The following KLHL29 variants were observed in gnomAD, a reference collection of about 807,000 sequenced individuals.
KLHL29 encodes the protein kelch-like protein 29.
In KLHL29, 21 loss-of-function variants were observed where a neutral mutation model predicts 80.4. That is an observed-to-expected ratio of 0.26 (90% CI 0.19 to 0.38). The LOEUF (loss-of-function observed/expected upper bound fraction) is 0.38. Ranked by LOEUF, KLHL29 falls within the 10% of genes least tolerant of loss-of-function variation. KLHL29 has a pLI of 1.00. For synonymous variants in KLHL29, 511 were observed against 526.8 expected (o/e 0.97, Z 0.41); for missense variants, 867 against 1,223.9 (o/e 0.71, Z 4.35).
At chr2:23,433,881 C>T (rs62126853) in intron 1 of KLHL29, among the ~76,000 whole-genome samples, 7,882 of 152,098 alleles carry the variant, frequency 0.052, 231 homozygotes, top group African/African-American at 0.075. Flanking sequence ...ATCACACCAC[C>T]GCACTCCAGC....
chr2:23,458,577 A>G (rs1172900582), intron 1 of KLHL29, among the ~76,000 whole-genome samples: 1 of 152,224 alleles, frequency 6.6e-6, no homozygotes, highest in Non-Finnish European at 1.5e-5. Flanking sequence ...ATAAATTATA[A>G]TTATGAACAC....
intron 3 of KLHL29, among the ~76,000 whole-genome samples, chr2:23,566,023 T>C (rs1422727035): frequency 1.3e-5 from 2 of 152,212 alleles, no homozygotes; most frequent in African/African-American, 4.8e-5. Flanking sequence ...CCAGGCTCTT[T>C]GGGTGAGGAG....
At chr2:23,488,560 C>T (rs528826273) in intron 2 of KLHL29, among the ~76,000 whole-genome samples, 15 of 152,308 alleles carry the variant, frequency 9.8e-5, no homozygotes, top group East Asian at 7.7e-4. Context: ...TGCCCAGATC[C>T]GAGCCAGAGA....
chr2:23,483,557 C>T (rs1664853679), intron 2 of KLHL29, among the ~76,000 whole-genome samples: 2 of 152,220 alleles, frequency 1.3e-5, no homozygotes, highest in South Asian at 2.1e-4. Flanking sequence ...TCCTTGGCAA[C>T]TCCCACTCCA....
chr2:23,463,737 T>C (rs7594140), intron 1 of KLHL29, among the ~76,000 whole-genome samples: 6 of 152,230 alleles, frequency 3.9e-5, no homozygotes, highest in African/African-American at 1.4e-4. Context: ...GCCAATCTGC[T>C]GTTGGGCTTT....
chr2:23,475,007 T>C (rs1444229543), intron 1 of KLHL29, among the ~76,000 whole-genome samples: 9 of 149,786 alleles, frequency 6.0e-5, no homozygotes, highest in Non-Finnish European at 1.3e-4. Flanking sequence ...AAATCTATAA[T>C]TTAAAAAAAA....
intron 1 of KLHL29, among the ~76,000 whole-genome samples, chr2:23,440,514 A>G (rs1663484724): frequency 6.6e-6 from 1 of 152,184 alleles, no homozygotes; most frequent in Admixed American, 6.5e-5. Flanking sequence ...TGCACAGCAA[A>G]AGAAACTACC....
chr2:23,515,476 T>C (rs916873801), intron 2 of KLHL29, among the ~76,000 whole-genome samples: 4 of 152,238 alleles, frequency 2.6e-5, no homozygotes, highest in African/African-American at 7.2e-5. Flanking sequence ...CCAGGAAGTC[T>C]TTTCCAGCTG....
intron 3 of KLHL29, among the ~76,000 whole-genome samples, chr2:23,579,604 T>C (rs1471770850): frequency 6.6e-6 from 1 of 152,130 alleles, no homozygotes; most frequent in Non-Finnish European, 1.5e-5. Context: ...CCACTTCCAC[T>C]GCCATAGTCC....
Position 23,491,656 on chromosome 2 carries a change from C to T in KLHL29, c.-46+15989C>T, listed in dbSNP as rs183445752. Among the ~76,000 whole-genome samples, 51 of 152,246 alleles carry T rather than the reference C, an allele frequency of 3.3e-4. No homozygotes were observed. In the East Asian group the frequency reaches 7.5e-3, roughly 23 times the overall value. The stretch of plus-strand genomic sequence containing the variant: ...CCCATATCACTGTCTTCCAGCCCTC[C>T]GGGTGCTACTGATCTCCTGTTCTCA... On this transcript the variant is annotated intron_variant, in intron 2 of 13. Transcript: ENST00000486442.
Position 23,461,976 on chromosome 2 carries a change from A to ATTTTTTT in KLHL29, c.-153-13577_-153-13571dup, listed in dbSNP as rs10659814. ...TGCAAAAGTAATTGCGGTTTTTGCC[A>ATTTTTTT]TTTTTTTTTTTTTAATGACAAAAAT... On this transcript the variant is annotated intron_variant, in intron 1 of 13. Transcript: ENST00000486442. 9.7e-3 allele frequency among the ~76,000 whole-genome samples: 1,377 copies of ATTTTTTT among 141,268 alleles called. 14 individuals carry two copies. The highest frequency in any genetic ancestry group is 0.026 in the Middle Eastern group (7 of 274). The allele number at this position is 141,268 out of a possible 152,430, so 92.7% of individuals were successfully genotyped here. A position where few individuals can be genotyped will look rare whatever the true frequency, so the allele number is the denominator to read the frequency against.
chr2:23,441,136 A>C (rs1663505135), intron 1 of KLHL29, among the ~76,000 whole-genome samples: 1 of 152,162 alleles, frequency 6.6e-6, no homozygotes, highest in Non-Finnish European at 1.5e-5. Flanking sequence ...ACACCATGGA[A>C]TACTATGCAG....
At chr2:23,432,053 T>A (rs577861008) in intron 1 of KLHL29, among the ~76,000 whole-genome samples, 44 of 152,304 alleles carry the variant, frequency 2.9e-4, no homozygotes, top group African/African-American at 1.0e-3. Flanking sequence ...CAATTCCAGA[T>A]CACCATTTCT....
intron 2 of KLHL29, among the ~76,000 whole-genome samples, chr2:23,520,762 C>A (rs1666069418): frequency 6.6e-6 from 1 of 152,192 alleles, no homozygotes; most frequent in South Asian, 2.1e-4. Flanking sequence ...CTTCTTAGTA[C>A]AACACAAATC....
At chr2:23,529,998 G>A (rs540465711) in intron 2 of KLHL29, among the ~76,000 whole-genome samples, 1 of 151,592 alleles carries the variant, frequency 6.6e-6, no homozygotes, top group South Asian at 2.1e-4. Flanking sequence ...CTCAGCTGCG[G>A]CACTTCAGTC....
At chr2:23,559,904 T>C (rs1325885599) in intron 2 of KLHL29, among the ~76,000 whole-genome samples, 1 of 151,846 alleles carries the variant, frequency 6.6e-6, no homozygotes, top group Non-Finnish European at 1.5e-5. Context: ...CCAAGGAGAC[T>C]GAGAAGGAGC....
intron 3 of KLHL29, among the ~76,000 whole-genome samples, chr2:23,570,258 C>G (rs1449658402): frequency 6.6e-6 from 1 of 152,208 alleles, no homozygotes; most frequent in Non-Finnish European, 1.5e-5. Context: ...CTAGCTTCCC[C>G]TCCTCTGCTT....
At chr2:23,689,908 C>T (rs1030695743) in intron 6 of KLHL29, 1 of 152,342 alleles carries the variant, frequency 6.6e-6, no homozygotes, top group Non-Finnish European at 1.5e-5. Context: ...TGTGAATTCA[C>T]TTTAGAAGTC....
chr2:23,561,441 C>T (rs1431735044), intron 2 of KLHL29, among the ~76,000 whole-genome samples: 4 of 152,086 alleles, frequency 2.6e-5, no homozygotes, highest in South Asian at 2.1e-4. Context: ...CAGGGTACTC[C>T]GGGTCTCTGA....
Sources: gnomAD v4.1 joint callset for allele counts (sites outside exome capture counted in the v4.1 genomes callset) on GRCh38, gnomAD v4.1.1 for gene constraint, MANE v1.5 for transcripts, NCBI Gene and HGNC (gene_info 2026-07-23, HGNC 2026-07-21) for gene names.